The following CTNNA1 variants were observed in gnomAD, a reference collection of about 807,000 sequenced individuals.
CTNNA1 encodes the protein catenin alpha-1.
In CTNNA1, 37 loss-of-function variants were observed where a neutral mutation model predicts 98.4. The observed-to-expected ratio is 0.38, with a 90% CI of 0.29 to 0.49. The LOEUF is 0.49. Among genes scored for constraint, CTNNA1 ranks in the 20% least tolerant of loss-of-function variants. CTNNA1 has a pLI of 0.95. For synonymous variants in CTNNA1, 404 were observed against 413.2 expected (o/e 0.98, Z 0.27); for missense variants, 761 against 1,147.2 (o/e 0.66, Z 4.86).
At chr5:138,911,677 C>T (rs1046002298) in intron 10 of CTNNA1, among the ~76,000 whole-genome samples, 2 of 152,202 alleles carry the variant, frequency 1.3e-5, no homozygotes, top group African/African-American at 2.4e-5. Context: ...CTGTAAGACC[C>T]ATTTCAGAAT....
At chr5:138,918,388 CT>C (rs1031092096) in intron 11 of CTNNA1, among the ~76,000 whole-genome samples, 2 of 152,150 alleles carry the variant, frequency 1.3e-5, no homozygotes, top group African/African-American at 2.4e-5. Flanking sequence ...AATTTCTTCC[CT>C]TCTTGGAAAG....
At chr5:138,879,076 G>C (rs778475889) in intron 7 of CTNNA1, among the ~76,000 whole-genome samples, 32 of 149,776 alleles carry the variant, frequency 2.1e-4, no homozygotes, top group Middle Eastern at 3.4e-3. Flanking sequence ...TGGGCACGGT[G>C]ACAGGAGCCT....
chr5:138,794,403 C>T (rs1182527886), intron 3 of CTNNA1, among the ~76,000 whole-genome samples: 1 of 152,146 alleles, frequency 6.6e-6, no homozygotes, highest in African/African-American at 2.4e-5. Flanking sequence ...CTTAAGGCAT[C>T]TGTCAGGGAT....
chr5:138,777,070 T>C (rs1350263708), intron 1 of CTNNA1, among the ~76,000 whole-genome samples: 1 of 139,536 alleles, frequency 7.2e-6, no homozygotes. Context: ...ACGGGGTGGC[T>C]GCCGGGCGGA....
intron 1 of CTNNA1, among the ~76,000 whole-genome samples, chr5:138,768,558 G>GTTTTTTTTTTTT (rs36038829): frequency 1.5e-5 from 1 of 67,556 alleles, no homozygotes; most frequent in East Asian, 5.3e-4. Context: ...AACGGTGTCT[G>GTTTTTTTTTTTT]TTTTTTTTTT....
chr5:138,866,049 G>A (rs1389418830), intron 7 of CTNNA1, among the ~76,000 whole-genome samples: 3 of 152,116 alleles, frequency 2.0e-5, no homozygotes, highest in East Asian at 3.9e-4. Flanking sequence ...GGTGGCGAAC[G>A]CCTGTAATCC....
At chr5:138,808,308 G>A (rs1372854624) in intron 3 of CTNNA1, among the ~76,000 whole-genome samples, 1 of 152,086 alleles carries the variant, frequency 6.6e-6, no homozygotes, top group Non-Finnish European at 1.5e-5. Context: ...CCCTTGATGT[G>A]CGATGGGTGC....
At chr5:138,823,617 A>G (rs1355001698) in intron 5 of CTNNA1, among the ~76,000 whole-genome samples, 1 of 152,164 alleles carries the variant, frequency 6.6e-6, no homozygotes, top group Non-Finnish European at 1.5e-5. Context: ...TAGTTCATAC[A>G]TACCTGTGGC....
chr5:138,812,360 A>C (rs1758916286), intron 5 of CTNNA1, 58 bp downstream of exon 5: 4 of 1,563,626 alleles, frequency 2.6e-6, no homozygotes, highest in Non-Finnish European at 2.6e-6. Flanking sequence ...TAGAGGGAAA[A>C]ACTCATTCTG....
chr5:138,849,633 G>A (rs556865555), intron 7 of CTNNA1, among the ~76,000 whole-genome samples: 1 of 152,146 alleles, frequency 6.6e-6, no homozygotes, highest in Non-Finnish European at 1.5e-5. Flanking sequence ...TCCACTTCAG[G>A]AGATGTGAAC....
At chr5:138,844,798 AAG>A (rs1356698656) in intron 7 of CTNNA1, among the ~76,000 whole-genome samples, 2 of 152,248 alleles carry the variant, frequency 1.3e-5, no homozygotes, top group East Asian at 3.8e-4. Flanking sequence ...TATACAAAGA[AAG>A]AAAAGATTGG....
intron 1 of CTNNA1, among the ~76,000 whole-genome samples, chr5:138,775,953 C>T (rs1200218275): frequency 4.0e-5 from 6 of 151,240 alleles, no homozygotes; most frequent in Admixed American, 1.3e-4. Context: ...GTCTCGATCT[C>T]CTGACCTCAT....
chr5:138,874,761 C>T lies in CTNNA1; in HGVS notation c.1063-11451C>T, dbSNP rs1185815767. 3.8e-6 allele frequency: 3 copies of T among 794,284 alleles called. No homozygotes were observed. The highest frequency in any genetic ancestry group is 6.1e-6 in the Non-Finnish European group (3 of 495,622). 49.2% of individuals were successfully genotyped at this position (794,284 alleles called of 1,614,324 possible). The stretch of plus-strand genomic sequence containing the variant: ...CATTTAAAAAGAAGATAAAACATGT[C>T]TCTGTCATCATCGATATATGCTTTT... On this transcript the variant is annotated intron_variant, in intron 7 of 17. Transcript: ENST00000302763. This position sits in a 1 kb window ranked among gnomAD's most constrained non-coding sequence, Gnocchi z 4.1.
intron 1 of CTNNA1, among the ~76,000 whole-genome samples, chr5:138,755,995 T>G (rs547454374): frequency 6.4e-4 from 96 of 151,038 alleles, no homozygotes; most frequent in Non-Finnish European, 1.2e-3. Context: ...CCGGAGTAGC[T>G]GGGATTACTA....
chr5:138,889,889 G>A (rs1207821649), intron 9 of CTNNA1, among the ~76,000 whole-genome samples: 1 of 152,140 alleles, frequency 6.6e-6, no homozygotes, highest in Non-Finnish European at 1.5e-5. Flanking sequence ...TTAAAGTGTT[G>A]TAGAAGCCTC....
chr5:138,786,134 T>C (rs1200200671), intron 3 of CTNNA1, among the ~76,000 whole-genome samples: 1 of 152,206 alleles, frequency 6.6e-6, no homozygotes, highest in Non-Finnish European at 1.5e-5. Context: ...CCTAGTCCAC[T>C]TTTGCAATTA....
At chr5:138,813,511 G>A (rs1268449426) in intron 5 of CTNNA1, among the ~76,000 whole-genome samples, 9 of 152,236 alleles carry the variant, frequency 5.9e-5, no homozygotes, top group African/African-American at 1.7e-4. Flanking sequence ...AGGTCTGACA[G>A]GTAGTAGAAA....
chr5:138,809,438 A>G (rs1280495019), intron 3 of CTNNA1, among the ~76,000 whole-genome samples: 1 of 152,210 alleles, frequency 6.6e-6, no homozygotes, highest in Non-Finnish European at 1.5e-5. Context: ...TATTTTCATA[A>G]TAGTCAATTG....
chr5:138,860,598 C>A (rs532066755), intron 7 of CTNNA1, among the ~76,000 whole-genome samples: 2 of 152,260 alleles, frequency 1.3e-5, no homozygotes, highest in South Asian at 4.1e-4. Flanking sequence ...CGGGCTCAGG[C>A]GATTCTCCTG....
Sources: allele counts gnomAD v4.1 joint callset (sites outside exome capture counted in the v4.1 genomes callset), GRCh38; gene constraint gnomAD v4.1.1; non-coding constraint Gnocchi (gnomAD v3.1); transcripts MANE v1.5; gene names NCBI Gene and HGNC (gene_info 2026-07-23, HGNC 2026-07-21).